Variants in CRPPA observed in about 807,000 individuals in gnomAD.
CRPPA encodes CDP-L-ribitol pyrophosphorylase A, also known as D-ribitol-5-phosphate cytidylyltransferase.
Under a neutral mutation model 52.0 loss-of-function variants are expected in CRPPA, and 43 were observed. That is an observed-to-expected ratio of 0.83 (90% CI 0.65 to 1.07). CRPPA has a LOEUF of 1.07. Ranked by LOEUF, CRPPA falls within the 50% of genes least tolerant of loss-of-function variation. CRPPA has a pLI of 0.00. For missense variants in CRPPA, 629 were observed against 551.7 expected (o/e 1.14, Z -1.40); for synonymous variants, 250 against 203.5 (o/e 1.23, Z -1.94).
intron 9 of CRPPA, among the ~76,000 whole-genome samples, chr7:16,167,054 G>A (rs1218780754): frequency 4.6e-5 from 7 of 151,354 alleles, no homozygotes; most frequent in Non-Finnish European, 8.8e-5. Flanking sequence ...TCAGCCTCCC[G>A]AGTAGCTGGG....
chr7:16,166,910 T>C (rs1781077726), intron 9 of CRPPA, among the ~76,000 whole-genome samples: 1 of 147,926 alleles, frequency 6.8e-6, no homozygotes, highest in African/African-American at 2.5e-5. Flanking sequence ...AAGAAAGCTT[T>C]CCCCTTCTTT....
intron 9 of CRPPA, among the ~76,000 whole-genome samples, chr7:16,206,371 T>C (rs1464835592): frequency 6.6e-6 from 1 of 152,096 alleles, no homozygotes; most frequent in Non-Finnish European, 1.5e-5. Flanking sequence ...TTCCTTTACT[T>C]GCGTCCTAAC....
chr7:16,163,979 A>G (rs993501538), intron 9 of CRPPA, among the ~76,000 whole-genome samples: 2 of 152,012 alleles, frequency 1.3e-5, no homozygotes, highest in East Asian at 1.9e-4. Context: ...GAATCTGACA[A>G]TTACGTGTCT....
At chr7:16,359,959 T>C (rs1051542593) in intron 3 of CRPPA, among the ~76,000 whole-genome samples, 1 of 152,240 alleles carries the variant, frequency 6.6e-6, no homozygotes, top group Non-Finnish European at 1.5e-5. Flanking sequence ...AACAACTCTA[T>C]TATTGTTGTT....
intron 9 of CRPPA, among the ~76,000 whole-genome samples, chr7:16,211,686 C>T (rs957749274): frequency 2.6e-5 from 4 of 152,046 alleles, no homozygotes; most frequent in Admixed American, 6.6e-5. Context: ...AGAGTAAATG[C>T]GGACCTTTGA....
intron 8 of CRPPA, among the ~76,000 whole-genome samples, chr7:16,249,034 T>C (rs1783361607): frequency 1.3e-5 from 2 of 152,114 alleles, no homozygotes; most frequent in African/African-American, 2.4e-5. Context: ...AGTTTGGTGC[T>C]GGGAGGGGGC....
At chr7:16,204,377 A>C (rs1206232039) in intron 9 of CRPPA, among the ~76,000 whole-genome samples, 1 of 150,852 alleles carries the variant, frequency 6.6e-6, no homozygotes, top group Non-Finnish European at 1.5e-5. Context: ...ACTCAAACAG[A>C]CACTCAAATA....
chr7:16,156,188 T>G (rs1306208164), intron 9 of CRPPA, among the ~76,000 whole-genome samples: 1 of 151,564 alleles, frequency 6.6e-6, no homozygotes, highest in Non-Finnish European at 1.5e-5. Context: ...GTTTGGATAA[T>G]TGGCCAAGGT....
At chr7:16,170,916 G>A (rs1781170686) in intron 9 of CRPPA, among the ~76,000 whole-genome samples, 1 of 152,216 alleles carries the variant, frequency 6.6e-6, no homozygotes, top group South Asian at 2.1e-4. Context: ...TGGCCTGCGA[G>A]CGCCCCGCTT....
chr7:16,110,441 T>C (rs1782237614), intron 9 of CRPPA, among the ~76,000 whole-genome samples: 1 of 152,072 alleles, frequency 6.6e-6, no homozygotes, highest in African/African-American at 2.4e-5. Context: ...CATATGGAAC[T>C]GCAAAAAACC....
intron 8 of CRPPA, among the ~76,000 whole-genome samples, chr7:16,225,136 A>T (rs1439022650): frequency 2.0e-5 from 3 of 152,110 alleles, no homozygotes; most frequent in Non-Finnish European, 4.4e-5. Context: ...GATTCAAAGA[A>T]TTAAAAAGTA....
At chr7:16,144,620 C>T (rs1274026164) in intron 9 of CRPPA, among the ~76,000 whole-genome samples, 1 of 152,152 alleles carries the variant, frequency 6.6e-6, no homozygotes, top group African/African-American at 2.4e-5. Context: ...CTAAAACCGA[C>T]CTTTGATCAT....
At chr7:16,265,408 A>G (rs1783927505) in intron 6 of CRPPA, among the ~76,000 whole-genome samples, 1 of 152,236 alleles carries the variant, frequency 6.6e-6, no homozygotes, top group South Asian at 2.1e-4. Flanking sequence ...GCAACTTAAA[A>G]GTCACAGCAC....
chr7:16,391,281 TC>T (rs1787437420), intron 2 of CRPPA, among the ~76,000 whole-genome samples: 3 of 152,088 alleles, frequency 2.0e-5, no homozygotes, highest in Admixed American at 2.0e-4. Flanking sequence ...CCTTGATTTC[TC>T]CCCCACTCTT....
chr7:16,329,293 G>A (rs771705409), intron 3 of CRPPA, among the ~76,000 whole-genome samples: 24 of 152,140 alleles, frequency 1.6e-4, no homozygotes, highest in Non-Finnish European at 3.1e-4. Context: ...CCTGACAAAT[G>A]GAAGTTACAA....
intron 3 of CRPPA, among the ~76,000 whole-genome samples, chr7:16,375,759 C>A (rs1397033420): frequency 6.6e-6 from 1 of 152,134 alleles, no homozygotes; most frequent in Non-Finnish European, 1.5e-5. Context: ...AATCGAACAC[C>A]CTGGGCATTG....
intron 5 of CRPPA, among the ~76,000 whole-genome samples, chr7:16,278,634 C>T (rs1394535927): frequency 6.6e-6 from 1 of 152,196 alleles, no homozygotes; most frequent in Non-Finnish European, 1.5e-5. Flanking sequence ...CTCCTGTGCA[C>T]AGATTCAATG....
rs529729160 is a variant in CRPPA, at chr7:16,119,542, G to C, written c.1252-27743C>G. The stretch of plus-strand genomic sequence containing the variant: ...ACAAAACTTGAAGTGAAAACACAGA[G>C]ATTGTCAAGATGGATTAAAAACCAA... On this transcript the variant is annotated intron_variant, in intron 9 of 9. Coordinates refer to ENST00000407010, the MANE Select transcript of CRPPA (RefSeq NM_001101426.4). Among the ~76,000 whole-genome samples, 7 of 152,260 alleles carry C rather than the reference G, an allele frequency of 4.6e-5. No individual in the cohort carries two copies. The East Asian group carries it at 1.4e-3, about 29-fold the overall frequency.
At chr7:16,362,658 A>G (rs914687363) in intron 3 of CRPPA, among the ~76,000 whole-genome samples, 4 of 152,248 alleles carry the variant, frequency 2.6e-5, no homozygotes, top group African/African-American at 9.6e-5. Context: ...AGAGAAAGTT[A>G]TTAAATACAG....
Sources: allele counts gnomAD v4.1 joint callset (sites outside exome capture counted in the v4.1 genomes callset), GRCh38; gene constraint gnomAD v4.1.1; transcripts MANE v1.5; gene names NCBI Gene and HGNC (gene_info 2026-07-23, HGNC 2026-07-21).